CCSER1: variants seen among roughly 807,000 people sequenced by gnomAD.
CCSER1 encodes the protein coiled-coil serine rich protein 1.
CCSER1 carries 41 observed loss-of-function variants against 82.0 expected under a neutral mutation model. The ratio of observed to expected loss-of-function variants is 0.50; its 90% CI spans 0.39 to 0.65. The LOEUF (loss-of-function observed/expected upper bound fraction) is 0.65. CCSER1 is among the 30% of genes least tolerant of loss of function. CCSER1 has a pLI of 0.00. For missense variants in CCSER1, 1,119 were observed against 1,064.2 expected, an observed-to-expected ratio of 1.05 and a Z score of -0.72; for synonymous variants, 414 against 383.9, an observed-to-expected ratio of 1.08 and a Z score of -0.92.
chr4:91,289,015 G>T (rs1244269740), intron 10 of CCSER1, among the ~76,000 whole-genome samples: 2 of 152,044 alleles, frequency 1.3e-5, no homozygotes, highest in South Asian at 2.1e-4. Flanking sequence ...AGTGTGGAAA[G>T]AGATTTTCTC....
At chr4:91,146,215 T>G (rs1729521348) in intron 10 of CCSER1, among the ~76,000 whole-genome samples, 1 of 152,230 alleles carries the variant, frequency 6.6e-6, no homozygotes, top group Non-Finnish European at 1.5e-5. Flanking sequence ...TCTATTCTGT[T>G]GCTAAGACTT....
chr4:91,428,029 C>A (rs993094469), intron 10 of CCSER1, among the ~76,000 whole-genome samples: 1 of 151,934 alleles, frequency 6.6e-6, no homozygotes, highest in Non-Finnish European at 1.5e-5. Flanking sequence ...CATTTTCAAT[C>A]CAACTTGAAT....
chr4:91,219,679 T>A (rs1737583976), intron 10 of CCSER1, among the ~76,000 whole-genome samples: 2 of 152,186 alleles, frequency 1.3e-5, no homozygotes, highest in South Asian at 4.1e-4. Flanking sequence ...TCACAAGAAC[T>A]TTCTCTGAGC....
At chr4:91,100,370 CTAT>C (rs144104351) in intron 10 of CCSER1, among the ~76,000 whole-genome samples, 4 of 151,068 alleles carry the variant, frequency 2.6e-5, no homozygotes, top group African/African-American at 7.3e-5. Flanking sequence ...GCAACAGTTA[CTAT>C]TATTATTATT....
At chr4:90,790,904 G>T (rs1186144232) in intron 7 of CCSER1, among the ~76,000 whole-genome samples, 1 of 152,006 alleles carries the variant, frequency 6.6e-6, no homozygotes, top group African/African-American at 2.4e-5. Context: ...ACATTTTCAG[G>T]TATCTTAATA....
At chr4:90,884,172 G>A (rs1721764137) in intron 8 of CCSER1, among the ~76,000 whole-genome samples, 1 of 152,152 alleles carries the variant, frequency 6.6e-6, no homozygotes, top group African/African-American at 2.4e-5. Flanking sequence ...CAATGAATTT[G>A]GGACTTGTAG....
chr4:91,402,781 T>C (rs1014435029), intron 10 of CCSER1, among the ~76,000 whole-genome samples: 6 of 152,236 alleles, frequency 3.9e-5, no homozygotes, highest in Admixed American at 3.9e-4. Context: ...AGTGCCATGC[T>C]GTTTTGGTTA....
At chr4:90,330,221 A>T (rs556531890) in intron 3 of CCSER1, among the ~76,000 whole-genome samples, 11 of 152,146 alleles carry the variant, frequency 7.2e-5, no homozygotes, top group Non-Finnish European at 1.5e-4. Flanking sequence ...CCAGTAGGTT[A>T]TTCAGCTTGA....
chr4:91,007,825 T>C (rs1561466336), intron 9 of CCSER1, among the ~76,000 whole-genome samples: 1 of 152,142 alleles, frequency 6.6e-6, no homozygotes, highest in African/African-American at 2.4e-5. Context: ...TGAGGTGTAA[T>C]GTTAACTTGG....
intron 1 of CCSER1, among the ~76,000 whole-genome samples, chr4:90,130,574 G>A (rs916083186): frequency 1.3e-5 from 2 of 152,164 alleles, no homozygotes; most frequent in African/African-American, 4.8e-5. Context: ...ATTTTGCAGA[G>A]TGCAGGTTGA....
intron 10 of CCSER1, among the ~76,000 whole-genome samples, chr4:91,303,213 G>A (rs986570903): frequency 2.0e-5 from 3 of 151,950 alleles, no homozygotes; most frequent in Non-Finnish European, 4.4e-5. Context: ...CTTTCAAAAT[G>A]CCTACCTGAA....
rs142838547 is a variant in CCSER1 at position 91,118,249 on chromosome 4, C to T, written c.2217+32255C>T. Among the ~76,000 whole-genome samples, 4 of 147,552 alleles carry T rather than the reference C, an allele frequency of 2.7e-5. No homozygotes were observed. The East Asian group carries it at 8.0e-4, about 30-fold the overall frequency. On this transcript the variant is annotated intron_variant, in intron 10 of 10. Transcript: ENST00000509176. Reference sequence around the variant, plus strand: ...TTTTTCACCTTCTTTGTGGTACTCTCTTTCTGGAAGAAGTAACAACTGTAG... The same window carrying T: ...TTTTTCACCTTCTTTGTGGTACTCTTTTTCTGGAAGAAGTAACAACTGTAG...
At chr4:90,817,649 AAT>A (rs1294901920) in intron 8 of CCSER1, among the ~76,000 whole-genome samples, 2 of 152,094 alleles carry the variant, frequency 1.3e-5, no homozygotes, top group East Asian at 1.9e-4. Context: ...CTTTAAAAAA[AAT>A]ATAGTTTATT....
In CCSER1 at chr4:91,291,385, G is replaced by T. The variant is rs189086409; in HGVS notation, c.2217+205391G>T. Among the ~76,000 whole-genome samples the T allele has an allele frequency of 1.9e-4, 29 of 151,952 alleles. No homozygotes were observed. The East Asian group carries it at 3.3e-3, about 17-fold the overall frequency. ...AAAGGCTCTGTATTTGTTAGTTCTC[G>T]CACTGCTACGAAGAAACACCCGAGA... On this transcript the variant is annotated intron_variant, in intron 10 of 10. Coordinates refer to ENST00000509176, the MANE Select transcript of CCSER1 (RefSeq NM_001145065.2).
chr4:91,315,291 A>C (rs1487189965), intron 10 of CCSER1, among the ~76,000 whole-genome samples: 1 of 151,928 alleles, frequency 6.6e-6, no homozygotes, highest in Non-Finnish European at 1.5e-5. Flanking sequence ...AGCCCCATAC[A>C]TTCAAATGGT....
At chr4:91,276,421 A>G (rs1742450058) in intron 10 of CCSER1, among the ~76,000 whole-genome samples, 1 of 150,434 alleles carries the variant, frequency 6.6e-6, no homozygotes. Flanking sequence ...AAATGAGATT[A>G]CCTTCTTCAT....
intron 7 of CCSER1, among the ~76,000 whole-genome samples, chr4:90,736,230 G>T (rs1327853709): frequency 6.6e-6 from 1 of 152,062 alleles, no homozygotes; most frequent in Non-Finnish European, 1.5e-5. Flanking sequence ...CATTTGGCCT[G>T]TTGTCCAGAT....
intron 5 of CCSER1, among the ~76,000 whole-genome samples, chr4:90,559,311 G>A (rs1454129560): frequency 6.6e-6 from 1 of 152,118 alleles, no homozygotes; most frequent in African/African-American, 2.4e-5. Flanking sequence ...AGTAATTTGG[G>A]GATCACCATC....
intron 8 of CCSER1, among the ~76,000 whole-genome samples, chr4:90,844,912 T>G (rs1417598989): frequency 6.6e-6 from 1 of 152,212 alleles, no homozygotes; most frequent in Non-Finnish European, 1.5e-5. Flanking sequence ...CTGTCTCAAT[T>G]AAACTTTGGC....
Sources: allele counts gnomAD v4.1 joint callset (sites outside exome capture counted in the v4.1 genomes callset), GRCh38; gene constraint gnomAD v4.1.1; transcripts MANE v1.5; gene names NCBI Gene and HGNC (gene_info 2026-07-23, HGNC 2026-07-21).